The following BARX2 variants were observed in gnomAD, a reference collection of about 807,000 sequenced individuals.
The protein encoded by BARX2 is homeobox protein BarH-like 2.
Under a neutral mutation model 25.5 loss-of-function variants are expected in BARX2, and 11 were observed. The ratio of observed to expected loss-of-function variants is 0.43; its 90% CI spans 0.27 to 0.71. The LOEUF (loss-of-function observed/expected upper bound fraction) is 0.71. Among genes scored for constraint, BARX2 ranks in the 30% least tolerant of loss-of-function variants. The pLI is 0.19. For missense variants in BARX2, 360 were observed against 359.9 expected (o/e 1.00, Z 0.00); for synonymous variants, 137 against 149.5 (o/e 0.92, Z 0.61).
At chr11:129,409,433 C>T (rs947317213) in intron 1 of BARX2, among the ~76,000 whole-genome samples, 2 of 151,996 alleles carry the variant, frequency 1.3e-5, no homozygotes, top group Non-Finnish European at 2.9e-5. Flanking sequence ...TACACATTCC[C>T]CCCACCCTCC....
intron 1 of BARX2, among the ~76,000 whole-genome samples, chr11:129,413,530 A>C (rs1423735976): frequency 6.6e-6 from 1 of 152,060 alleles, no homozygotes; most frequent in Non-Finnish European, 1.5e-5. Context: ...ATTTAACTTT[A>C]TTTTCTGGAC....
At chr11:129,381,152 A>G (rs1391691918) in intron 1 of BARX2, among the ~76,000 whole-genome samples, 1 of 152,172 alleles carries the variant, frequency 6.6e-6, no homozygotes, top group African/African-American at 2.4e-5. Flanking sequence ...CAAATGAAAA[A>G]ACGATTAGAA....
chr11:129,405,240 C>T (rs953805155), intron 1 of BARX2, among the ~76,000 whole-genome samples: 2 of 152,126 alleles, frequency 1.3e-5, no homozygotes, highest in Non-Finnish European at 2.9e-5. Context: ...CAAGAGTAGG[C>T]TACTCACACT....
At chr11:129,387,271 T>A (rs1861625207) in intron 1 of BARX2, among the ~76,000 whole-genome samples, 1 of 152,138 alleles carries the variant, frequency 6.6e-6, no homozygotes, top group East Asian at 1.9e-4. Flanking sequence ...AGGAAGATAT[T>A]CCAAAGAGCT....
intron 1 of BARX2, among the ~76,000 whole-genome samples, chr11:129,434,422 A>AAAAAAAAAAAAAAAAAAAAAAAAAAAG (rs1862165647): frequency 4.9e-4 from 1 of 2,054 alleles, no homozygotes; most frequent in Non-Finnish European, 8.8e-4. Context: ...AAAAGTAAGT[A>AAAAAAAAAAAAAAAAAAAAAAAAAAAG]AAAAAAAAAA....
chr11:129,417,773 A>G (rs192742633), intron 1 of BARX2, among the ~76,000 whole-genome samples: 1 of 152,324 alleles, frequency 6.6e-6, no homozygotes. Context: ...TCATAACAGT[A>G]GCCTCCATTT....
At chr11:129,396,894 C>T (rs571453830) in intron 1 of BARX2, among the ~76,000 whole-genome samples, 66 of 152,236 alleles carry the variant, frequency 4.3e-4, no homozygotes, top group African/African-American at 1.4e-3. Flanking sequence ...CCTATCTATT[C>T]TCACACACAA....
intron 3 of BARX2, among the ~76,000 whole-genome samples, chr11:129,448,258 G>A (rs1304041316): frequency 2.0e-5 from 3 of 152,160 alleles, no homozygotes; most frequent in African/African-American, 7.2e-5. Flanking sequence ...GACAGCAAAA[G>A]CACAAGCAAC....
intron 3 of BARX2, among the ~76,000 whole-genome samples, chr11:129,446,304 C>T (rs892284318): frequency 6.6e-6 from 1 of 152,168 alleles, no homozygotes; most frequent in African/African-American, 2.4e-5. Flanking sequence ...GCGTGGGCCC[C>T]ACACTATTCA....
intron 3 of BARX2, among the ~76,000 whole-genome samples, chr11:129,449,833 G>A (rs1862375048): frequency 1.3e-5 from 2 of 152,166 alleles, no homozygotes; most frequent in South Asian, 4.1e-4. Context: ...AGTGACCATA[G>A]TTTCTGAAAA....
chr11:129,404,512 C>G (rs1048767575), intron 1 of BARX2, among the ~76,000 whole-genome samples: 1 of 152,210 alleles, frequency 6.6e-6, no homozygotes, highest in Non-Finnish European at 1.5e-5. Context: ...TTCCTAAGTC[C>G]ACTTTCAAAT....
chr11:129,385,568 T>C (rs1196156418), intron 1 of BARX2, among the ~76,000 whole-genome samples: 2 of 152,226 alleles, frequency 1.3e-5, no homozygotes, highest in Admixed American at 6.5e-5. Flanking sequence ...ATACCATTTA[T>C]TTAAATGGTT....
rs1389581939 is a variant in BARX2 at position 129,436,704 on chromosome 11, C to T, written c.188-47C>T. ...GCCCTCCGCAGGTCCTGGCCTGCTT[C>T]CCCACACCGTTCCCTGTGGTGACCT... is the stretch of plus-strand genomic sequence containing the variant. On this transcript the variant is annotated intron_variant, in intron 1 of 3. Coordinates refer to ENST00000281437, the MANE Select transcript of BARX2 (RefSeq NM_003658.5). This position sits in a 1 kb window ranked among gnomAD's most constrained non-coding sequence, Gnocchi z 4.5. The T allele has an allele frequency of 2.6e-6, 4 of 1,525,862 alleles. No homozygotes were observed. Among genetic ancestry groups the T allele is most frequent in the Non-Finnish European group, 3.5e-6 (4 of 1,132,444 alleles). 94.5% of individuals were successfully genotyped at this position (1,525,862 alleles called of 1,614,324 possible).
intron 1 of BARX2, among the ~76,000 whole-genome samples, chr11:129,432,133 G>A (rs1047070441): frequency 2.6e-5 from 4 of 152,004 alleles, no homozygotes; most frequent in African/African-American, 7.3e-5. Context: ...CATGATCTCA[G>A]CTCACTGCAA....
At chr11:129,389,558 A>AT (rs564179667) in intron 1 of BARX2, among the ~76,000 whole-genome samples, 13,348 of 147,148 alleles carry the variant, frequency 0.091, 732 homozygotes, top group African/African-American at 0.16. Flanking sequence ...TTGTTACTTT[A>AT]TTTTTTTTTT....
At chr11:129,439,922 T>TTTC (rs60851839) in intron 2 of BARX2, among the ~76,000 whole-genome samples, 1 of 151,842 alleles carries the variant, frequency 6.6e-6, no homozygotes, top group African/African-American at 2.4e-5. Context: ...ATTTTTTTTT[T>TTTC]CAGAAATATT....
intron 1 of BARX2, among the ~76,000 whole-genome samples, chr11:129,407,695 T>C (rs1192223434): frequency 6.6e-6 from 1 of 152,214 alleles, no homozygotes; most frequent in Non-Finnish European, 1.5e-5. Context: ...AATATGATTC[T>C]GGACTAAGAT....
At chr11:129,381,071 G>A (rs1050297086) in intron 1 of BARX2, among the ~76,000 whole-genome samples, 2 of 152,138 alleles carry the variant, frequency 1.3e-5, no homozygotes, top group Admixed American at 1.3e-4. Context: ...CATCGCGCCC[G>A]CTGTGAAGTC....
At chr11:129,394,029 C>G (rs1333274245) in intron 1 of BARX2, among the ~76,000 whole-genome samples, 2 of 152,192 alleles carry the variant, frequency 1.3e-5, no homozygotes, top group Non-Finnish European at 1.5e-5. Context: ...GTCTCTCCCC[C>G]ATTAGAGGTC....
Sources: allele counts gnomAD v4.1 joint callset (sites outside exome capture counted in the v4.1 genomes callset), GRCh38; gene constraint gnomAD v4.1.1; non-coding constraint Gnocchi (gnomAD v3.1); transcripts MANE v1.5; gene names NCBI Gene and HGNC (gene_info 2026-07-23, HGNC 2026-07-21).